IMPG1: variants seen among roughly 807,000 people sequenced by gnomAD.
IMPG1 encodes the protein interphotoreceptor matrix proteoglycan 1, also known as interphotoreceptor matrix proteoglycan of 150 kDa.
Under a neutral mutation model 92.0 loss-of-function variants are expected in IMPG1, and 85 were observed. That is an observed-to-expected ratio of 0.92 (90% CI 0.78 to 1.11). The LOEUF is 1.11. Ranked by LOEUF, IMPG1 falls within the 50% of genes least tolerant of loss-of-function variation. The probability of loss-of-function intolerance (pLI) is 0.00; values close to 1 mark genes in which losing one functional copy is unlikely to be tolerated. For synonymous variants in IMPG1, 367 were observed against 334.1 expected, an observed-to-expected ratio of 1.10 and a Z score of -1.08; for missense variants, 1,022 against 956.0, an observed-to-expected ratio of 1.07 and a Z score of -0.91.
chr6:75,936,172 T>A (rs774327128), intron 14 of IMPG1, among the ~76,000 whole-genome samples: 4 of 152,216 alleles, frequency 2.6e-5, no homozygotes, highest in Non-Finnish European at 5.9e-5. Context: ...TAGGTTAGCA[T>A]CTCTGGCTCT....
chr6:75,996,510 G>A (rs562348360), intron 12 of IMPG1, among the ~76,000 whole-genome samples: 46 of 152,250 alleles, frequency 3.0e-4, no homozygotes, highest in African/African-American at 1.1e-3. Context: ...TATAATGTTG[G>A]AAAGAGATTA....
intron 3 of IMPG1, 114 bp downstream of exon 3, chr6:76,034,507 A>T: frequency 7.9e-7 from 1 of 1,270,590 alleles, no homozygotes; most frequent in South Asian, 1.3e-5. Flanking sequence ...GATACCTCCA[A>T]GCACTTCTTC....
At chr6:75,948,876 C>T (rs62414829) in intron 13 of IMPG1, among the ~76,000 whole-genome samples, 3,901 of 152,204 alleles carry the variant, frequency 0.026, 73 homozygotes, top group Middle Eastern at 0.041. Flanking sequence ...CCCTCAGCTT[C>T]CTCTCTGCTT....
chr6:75,974,804 C>T (rs1249958437), intron 12 of IMPG1, among the ~76,000 whole-genome samples: 1 of 152,156 alleles, frequency 6.6e-6, no homozygotes, highest in South Asian at 2.1e-4. Flanking sequence ...GCATGAGCCA[C>T]CACACCTGGC....
chr6:75,947,209 GT>G, intron 14 of IMPG1, 104 bp downstream of exon 14: 1 of 823,178 alleles, frequency 1.2e-6, no homozygotes, highest in Non-Finnish European at 2.0e-6. Context: ...TATCATTTCA[GT>G]TTGATTTTTG....
chr6:76,038,519 G>A lies in IMPG1; in HGVS notation c.301+3374C>T, dbSNP rs181517852. Among the ~76,000 whole-genome samples, 445 of 152,172 alleles carry A rather than the reference G, an allele frequency of 2.9e-3. 1 individual carries two copies. Among genetic ancestry groups the A allele is most frequent in the Non-Finnish European group, 4.7e-3 (320 of 67,990 alleles). ...AATCACCAGCCCACTTACCCACCAG[G>A]ATAGTCCCCCATCCTTACTGGGGAA... On this transcript the variant is annotated intron_variant, in intron 2 of 16. Transcript: ENST00000369950.
rs774029692 is a variant in IMPG1, at chr6:76,034,728, CTG to C, written c.359_360del (p.Thr120ArgfsTer19). 1 of 1,614,068 alleles carries C rather than the reference CTG, an allele frequency of 6.2e-7. No individual in the cohort carries two copies. Among genetic ancestry groups the C allele is most frequent in the Admixed American group, 1.7e-5 (1 of 60,022 alleles). On this transcript the variant is annotated frameshift_variant, in exon 3 of 17. Transcript: ENST00000369950. LOFTEE classifies it high-confidence loss of function. ...YRIFLDRIPD[T>X]GEYQDWVSIC... ...ATGCTGACCCAGTCCTGATATTCCCCTGTGTCAGGGATGCGATCCAGAAAGAT... is the reference window on the plus strand; with the variant it reads ...ATGCTGACCCAGTCCTGATATTCCCCTGTCAGGGATGCGATCCAGAAAGAT...
At chr6:75,926,406 C>T (rs1420033480) in intron 15 of IMPG1, among the ~76,000 whole-genome samples, 2 of 152,164 alleles carry the variant, frequency 1.3e-5, no homozygotes, top group Non-Finnish European at 1.5e-5. Context: ...AAAACTAGAC[C>T]TCCTTTTCTC....
chr6:75,931,642 G>C (rs528679630), intron 14 of IMPG1, among the ~76,000 whole-genome samples: 14 of 152,244 alleles, frequency 9.2e-5, no homozygotes, highest in Admixed American at 5.9e-4. Flanking sequence ...ACAGTTTTGA[G>C]AACTCAGGAT....
intron 7 of IMPG1, among the ~76,000 whole-genome samples, chr6:76,018,195 C>T (rs534692723): frequency 8.6e-5 from 13 of 152,042 alleles, no homozygotes; most frequent in Non-Finnish European, 1.5e-4. Flanking sequence ...ACACACATAC[C>T]TATGATAAAG....
intron 14 of IMPG1, among the ~76,000 whole-genome samples, chr6:75,939,263 T>C (rs1326466440): frequency 6.6e-6 from 1 of 152,216 alleles, no homozygotes; most frequent in African/African-American, 2.4e-5. Flanking sequence ...GTTTGTTACA[T>C]ATGTATACAT....
chr6:75,942,819 A>C (rs1781857257), intron 14 of IMPG1, among the ~76,000 whole-genome samples: 1 of 152,188 alleles, frequency 6.6e-6, no homozygotes, highest in Admixed American at 6.5e-5. Context: ...ATTTTCCGTT[A>C]ATGTGTTTTA....
At chr6:75,993,464 G>C (rs1159956223) in intron 12 of IMPG1, among the ~76,000 whole-genome samples, 1 of 151,858 alleles carries the variant, frequency 6.6e-6, no homozygotes, top group Non-Finnish European at 1.5e-5. Flanking sequence ...GGCGGAAAAG[G>C]AGAGAGAGAA....
At chr6:75,924,701 T>TC (rs372764494) in intron 15 of IMPG1, among the ~76,000 whole-genome samples, 311 of 1,318 alleles carry the variant, frequency 0.24, 101 homozygotes, top group East Asian at 0.78. Context: ...TAAATAATTA[T>TC]ATATAATATA....
intron 12 of IMPG1, among the ~76,000 whole-genome samples, chr6:75,982,965 G>A (rs1166530698): frequency 1.3e-5 from 2 of 151,936 alleles, no homozygotes; most frequent in Non-Finnish European, 2.9e-5. Context: ...CCTTCATCTA[G>A]AGAATGTCCC....
chr6:76,060,439 T>C (rs1207059648), intron 1 of IMPG1, among the ~76,000 whole-genome samples: 1 of 152,162 alleles, frequency 6.6e-6, no homozygotes, highest in East Asian at 1.9e-4. Flanking sequence ...CATATATGAA[T>C]TCTCATTACC....
chr6:75,994,665 C>T (rs1582092095), intron 12 of IMPG1, among the ~76,000 whole-genome samples: 1 of 152,146 alleles, frequency 6.6e-6, no homozygotes, highest in Admixed American at 6.5e-5. Context: ...TATTCACTAT[C>T]ACAGAACAGC....
intron 12 of IMPG1, among the ~76,000 whole-genome samples, chr6:75,972,392 C>A (rs1386034988): frequency 6.6e-6 from 1 of 152,100 alleles, no homozygotes; most frequent in Non-Finnish European, 1.5e-5. Flanking sequence ...CCACGCCCAC[C>A]CACCCATAAC....
At chr6:75,944,266 C>T (rs925964651) in intron 14 of IMPG1, among the ~76,000 whole-genome samples, 3 of 152,208 alleles carry the variant, frequency 2.0e-5, no homozygotes, top group African/African-American at 7.2e-5. Context: ...CTTCCTCCTT[C>T]CCCTCACTGT....
Sources: allele counts gnomAD v4.1 joint callset (sites outside exome capture counted in the v4.1 genomes callset), GRCh38; gene constraint gnomAD v4.1.1; transcripts MANE v1.5; gene names NCBI Gene and HGNC (gene_info 2026-07-23, HGNC 2026-07-21).